EEPD1: variants seen among roughly 807,000 people sequenced by gnomAD.
The protein encoded by EEPD1 is endonuclease/exonuclease/phosphatase family domain-containing protein 1.
In EEPD1, 17 loss-of-function variants were observed where a neutral mutation model predicts 46.3. That is an observed-to-expected ratio of 0.37 (90% confidence interval 0.25 to 0.55). EEPD1 has a LOEUF of 0.55. Ranked by LOEUF, EEPD1 falls within the 20% of genes least tolerant of loss-of-function variation. The pLI is 0.83. For synonymous variants in EEPD1, 313 were observed against 315.6 expected, an observed-to-expected ratio of 0.99 and a Z score of 0.09; for missense variants, 673 against 745.6, an observed-to-expected ratio of 0.90 and a Z score of 1.13.
chr7:36,177,645 T>G (rs1403520591), intron 2 of EEPD1, among the ~76,000 whole-genome samples: 1 of 152,202 alleles, frequency 6.6e-6, no homozygotes, highest in Non-Finnish European at 1.5e-5. Context: ...AGGAACCACT[T>G]TTTCCAATTC....
At chr7:36,198,342 G>GAAAAAAAAAAAAAAAAAAAAAAA (rs1361024411) in intron 2 of EEPD1, among the ~76,000 whole-genome samples, 11 of 33,090 alleles carry the variant, frequency 3.3e-4, no homozygotes, top group Non-Finnish European at 4.4e-4. Flanking sequence ...AAAAAGAAAA[G>GAAAAAAAAAAAAAAAAAAAAAAA]AAAAAAAAAA....
chr7:36,244,596 G>A (rs1252122470), intron 3 of EEPD1, among the ~76,000 whole-genome samples: 2 of 152,064 alleles, frequency 1.3e-5, no homozygotes, highest in Non-Finnish European at 2.9e-5. Context: ...CCAGCTCTGA[G>A]GAGGTTCCCA....
At chr7:36,278,322 C>T (rs1048230609) in intron 3 of EEPD1, among the ~76,000 whole-genome samples, 9 of 152,122 alleles carry the variant, frequency 5.9e-5, no homozygotes, top group African/African-American at 2.2e-4. Flanking sequence ...ATGGGAGATA[C>T]AATTGTCCTC....
In EEPD1 at chr7:36,161,525, A is replaced by G. The variant is rs1342078781; in HGVS notation, c.878+6323A>G. Among the ~76,000 whole-genome samples, 107 of 151,598 alleles carry G rather than the reference A, an allele frequency of 7.1e-4. 2 individuals carry two copies. The highest frequency in any genetic ancestry group is 7.0e-3 in the Admixed American group (107 of 15,214). On this transcript the variant is annotated intron_variant, in intron 2 of 7. Transcript: ENST00000242108. ...CAATTGAGGCTGAAAGTCAGCATCC[A>G]CCCTCCCCCATGCACACACACGGCT... is the stretch of plus-strand genomic sequence containing the variant.
intron 3 of EEPD1, among the ~76,000 whole-genome samples, chr7:36,273,254 G>C (rs1787138931): frequency 6.6e-6 from 1 of 152,134 alleles, no homozygotes; most frequent in South Asian, 2.1e-4. Flanking sequence ...TGTCGAATGG[G>C]ACTGTTATTC....
Position 36,160,445 on chromosome 7 carries a change from A to G in EEPD1, c.878+5243A>G, listed in dbSNP as rs368334827. 5.3e-5 allele frequency among the ~76,000 whole-genome samples: 8 copies of G among 152,286 alleles called. No individual in the cohort carries two copies. The East Asian group carries it at 1.5e-3, about 29-fold the overall frequency. ...AAGCCAGGCACGGAAGAAGCCAGGG[A>G]AAAGAATGCTCCATGGAGGAATTGG... On this transcript the variant is annotated intron_variant, in intron 2 of 7. Coordinates refer to ENST00000242108, the MANE Select transcript of EEPD1 (RefSeq NM_030636.3).
chr7:36,188,580 C>A (rs1377527960), intron 2 of EEPD1, among the ~76,000 whole-genome samples: 1 of 152,022 alleles, frequency 6.6e-6, no homozygotes, highest in Non-Finnish European at 1.5e-5. Context: ...TGGAAGCGGG[C>A]GCAGGGTGGG....
rs1405394396 is a variant in EEPD1, at chr7:36,299,229, C to T, written c.*23C>T. On this transcript the variant is annotated 3_prime_UTR_variant, in exon 8 of 8. Transcript: ENST00000242108. ...TGATGACACCAAATCCATGTGTCCA[C>T]CCTGGGACCCAGGAGGGCACAGCCA... The T allele has an allele frequency of 7.5e-6, 12 of 1,609,118 alleles. No homozygotes were observed. The highest frequency in any genetic ancestry group is 1.3e-5 in the African/African-American group (1 of 74,838).
intron 3 of EEPD1, among the ~76,000 whole-genome samples, chr7:36,278,454 C>A (rs1443106117): frequency 2.2e-5 from 3 of 135,282 alleles, no homozygotes; most frequent in African/African-American, 5.5e-5. Context: ...TCTCCACCCC[C>A]AGGGCTGGGC....
intron 2 of EEPD1, among the ~76,000 whole-genome samples, chr7:36,195,515 T>C (rs746588626): frequency 3.3e-5 from 5 of 152,180 alleles, no homozygotes; most frequent in Non-Finnish European, 7.3e-5. Flanking sequence ...TAAGAACTGA[T>C]CTCGCTTATA....
Position 36,244,549 on chromosome 7 carries a change from C to T in EEPD1, c.930+5513C>T, listed in dbSNP as rs113537797. Among the ~76,000 whole-genome samples, 5 of 152,192 alleles carry T rather than the reference C, an allele frequency of 3.3e-5. 1 individual carries two copies. The highest frequency in any genetic ancestry group is 1.2e-4 in the African/African-American group (5 of 41,530). On this transcript the variant is annotated intron_variant, in intron 3 of 7. Coordinates refer to ENST00000242108, the MANE Select transcript of EEPD1 (RefSeq NM_030636.3). ...GGTAGACAGCCTTCCCATTTTTAGA[C>T]GTGCCAAGGTTTTCCTGTTTTCTGC... is the stretch of plus-strand genomic sequence containing the variant.
Position 36,154,254 on chromosome 7 carries a change from G to A in EEPD1, c.-71G>A, listed in dbSNP as rs1344544161. 2.7e-6 allele frequency: 4 copies of A among 1,508,448 alleles called. No homozygotes were observed. The highest frequency in any genetic ancestry group is 3.5e-6 in the Non-Finnish European group (4 of 1,133,322). The allele number at this position is 1,508,448 out of a possible 1,614,324, so 93.4% of individuals were successfully genotyped here. On this transcript the variant is annotated 5_prime_UTR_variant, in exon 2 of 8. Coordinates refer to ENST00000242108, the MANE Select transcript of EEPD1 (RefSeq NM_030636.3). The surrounding 1 kb of genome is among the most constrained non-coding windows in gnomAD (Gnocchi z 4.2). ...TTTTTCTGTGCTTGTACGGCCTACT[G>A]GGCTTCCTCCCTAGCCAGAGAGCTC...
At chr7:36,166,434 C>G (rs1254197015) in intron 2 of EEPD1, among the ~76,000 whole-genome samples, 1 of 152,060 alleles carries the variant, frequency 6.6e-6, no homozygotes, top group Non-Finnish European at 1.5e-5. Flanking sequence ...TTGTGAAAAT[C>G]AGGAGGCCAG....
intron 4 of EEPD1, among the ~76,000 whole-genome samples, chr7:36,281,693 C>A (rs1050484920): frequency 2.5e-4 from 38 of 152,170 alleles, no homozygotes; most frequent in African/African-American, 8.9e-4. Context: ...TTTGAATTTT[C>A]TTTCATCAGT....
At chr7:36,201,435 C>T (rs1297568613) in intron 2 of EEPD1, among the ~76,000 whole-genome samples, 5 of 152,186 alleles carry the variant, frequency 3.3e-5, no homozygotes, top group Non-Finnish European at 7.3e-5. Context: ...GAGAAAAGCA[C>T]TCAGGTGTGG....
At chr7:36,253,017 T>C (rs528923601) in intron 3 of EEPD1, among the ~76,000 whole-genome samples, 1 of 152,034 alleles carries the variant, frequency 6.6e-6, no homozygotes, top group South Asian at 2.1e-4. Flanking sequence ...AGGTTTAGTT[T>C]GATCTTCTTT....
At chr7:36,281,287 A>C in intron 4 of EEPD1, 62 bp downstream of exon 4, 4 of 1,415,838 alleles carry the variant, frequency 2.8e-6, no homozygotes, top group Non-Finnish European at 3.9e-6. Context: ...TTTTCCCCTA[A>C]TCAAGGGCAT....
At chr7:36,164,586 C>T (rs1287449037) in intron 2 of EEPD1, among the ~76,000 whole-genome samples, 1 of 152,204 alleles carries the variant, frequency 6.6e-6, no homozygotes, top group Non-Finnish European at 1.5e-5. Flanking sequence ...AGTGTTTGTT[C>T]TACATGTTTA....
At chr7:36,218,243 G>A (rs1379349960) in intron 2 of EEPD1, among the ~76,000 whole-genome samples, 1 of 152,138 alleles carries the variant, frequency 6.6e-6, no homozygotes, top group Non-Finnish European at 1.5e-5. Context: ...TATCTTCCAA[G>A]ACTTCAGATG....
Sources: allele counts gnomAD v4.1 joint callset (sites outside exome capture counted in the v4.1 genomes callset), GRCh38; gene constraint gnomAD v4.1.1; non-coding constraint Gnocchi (gnomAD v3.1); transcripts MANE v1.5; gene names NCBI Gene and HGNC (gene_info 2026-07-23, HGNC 2026-07-21).